The following MMAB variants were observed in gnomAD, a reference collection of about 807,000 sequenced individuals.
The protein encoded by MMAB is corrinoid adenosyltransferase MMAB.
MMAB carries 17 observed loss-of-function variants against 30.6 expected under a neutral mutation model. That is an observed-to-expected ratio of 0.56 (90% CI 0.38 to 0.83). MMAB has a LOEUF of 0.83. Ranked by LOEUF, MMAB falls within the 40% of genes least tolerant of loss-of-function variation. The pLI is 0.00. For missense variants in MMAB, 311 were observed against 331.6 expected, an observed-to-expected ratio of 0.94 and a Z score of 0.48; for synonymous variants, 134 against 138.6, an observed-to-expected ratio of 0.97 and a Z score of 0.23.
At chr12:109,567,491 C>T (rs1283217767) in intron 3 of MMAB, among the ~76,000 whole-genome samples, 1 of 152,188 alleles carries the variant, frequency 6.6e-6, no homozygotes, top group Non-Finnish European at 1.5e-5. Context: ...CTCCCCCTGT[C>T]ACCAGCCTGT....
Position 109,561,810 on chromosome 12 carries a change from G to T in MMAB, c.391C>A (p.Pro131Thr), listed in dbSNP as rs1369813638. 3.7e-6 allele frequency: 6 copies of T among 1,610,120 alleles called. No homozygotes were observed. The highest frequency in any genetic ancestry group is 5.1e-6 in the Non-Finnish European group (6 of 1,178,178). Residue 131 changes from proline to threonine, a missense_variant, in exon 5 of 9, where the codon CCA becomes ACA. Pro to Thr is a conservative substitution (Grantham distance 38, BLOSUM62 -1). Coordinates refer to ENST00000545712, the MANE Select transcript of MMAB (RefSeq NM_052845.4). This position sits in a 1 kb window ranked among gnomAD's most constrained non-coding sequence, Gnocchi z 5.3. The stretch of plus-strand genomic sequence containing the variant: ...TGAGCCTCCCGGGCCGAGGAGCATG[G>T]TGTCGCCAGGGCCGAGCCGACGTCC... ...LQDVGSALATPCSSAREAHLK... is the reference protein window; with the variant it reads ...LQDVGSALATTCSSAREAHLK...
Position 109,554,135 on chromosome 12 carries a change from C to T in MMAB, c.*2893G>A, listed in dbSNP as rs1156824734. ...AGCACGGGGCTGTGAGTGACGAGGC[C>T]GCGTCCGGGGCTCACATCTTGGCAC... On this transcript the variant is annotated 3_prime_UTR_variant, in exon 9 of 9. Coordinates refer to ENST00000545712, the MANE Select transcript of MMAB (RefSeq NM_052845.4). The T allele has an allele frequency of 8.8e-6, 4 of 453,688 alleles. No individual in the cohort carries two copies. The highest frequency in any genetic ancestry group is 6.9e-5 in the East Asian group (1 of 14,400). 28.1% of individuals were successfully genotyped at this position (453,688 alleles called of 1,614,324 possible).
chr12:109,554,966 T>C lies in MMAB; in HGVS notation c.*2062A>G. 1 of 451,026 alleles carries C rather than the reference T, an allele frequency of 2.2e-6. No individual in the cohort carries two copies. The highest frequency in any genetic ancestry group is 7.0e-5 in the East Asian group (1 of 14,378). 27.9% of individuals were successfully genotyped at this position (451,026 alleles called of 1,614,324 possible). ...CGGGAGACAGATACAGAGGCGGGGGTCTGAGAACGCGACTGTTAACATCCA... is the reference window on the plus strand; with the variant it reads ...CGGGAGACAGATACAGAGGCGGGGGCCTGAGAACGCGACTGTTAACATCCA... On this transcript the variant is annotated 3_prime_UTR_variant, in exon 9 of 9. Transcript: ENST00000545712.
chr12:109,555,018 C>A lies in MMAB; in HGVS notation c.*2010G>T, dbSNP rs1335623300. On this transcript the variant is annotated 3_prime_UTR_variant, in exon 9 of 9. Coordinates refer to ENST00000545712, the MANE Select transcript of MMAB (RefSeq NM_052845.4). ...GCTGTGACACCCGGTCCTGGAAGGA[C>A]AGGACTTGGCAACAGGTGAACGGCC... The A allele has an allele frequency of 4.4e-6, 2 of 453,994 alleles. No individual in the cohort carries two copies. The highest frequency in any genetic ancestry group is 8.8e-6 in the Non-Finnish European group (2 of 226,808). 28.1% of individuals were successfully genotyped at this position (453,994 alleles called of 1,614,324 possible).
chr12:109,566,209 T>C (rs180701096), intron 3 of MMAB, among the ~76,000 whole-genome samples: 37 of 152,312 alleles, frequency 2.4e-4, no homozygotes, highest in African/African-American at 7.7e-4. Flanking sequence ...TCCTATCACC[T>C]ACTGGTGCCT....
intron 3 of MMAB, among the ~76,000 whole-genome samples, chr12:109,565,731 G>T (rs1023531748): frequency 1.1e-4 from 16 of 152,238 alleles, no homozygotes; most frequent in African/African-American, 3.9e-4. Flanking sequence ...TGCTCTGAAG[G>T]AAAGAGCAAT....
At chr12:109,565,022 C>T (rs1465291920) in intron 4 of MMAB, 97 bp downstream of exon 4, 5 of 933,668 alleles carry the variant, frequency 5.4e-6, no homozygotes, top group South Asian at 3.9e-5. Context: ...GTAACTAGCC[C>T]CAGGTGACAC....
chr12:109,561,713 A>T lies in MMAB; in HGVS notation c.421+67T>A. On this transcript the variant is annotated intron_variant, in intron 5 of 8. Coordinates refer to ENST00000545712, the MANE Select transcript of MMAB (RefSeq NM_052845.4). The surrounding 1 kb of genome is among the most constrained non-coding windows in gnomAD (Gnocchi z 5.3). ...GGTCCCTGGGGGCCTGGGATCCCAGATGGTGACCCTAGGAGAGTCCCCTGA... is the reference window on the plus strand; with the variant it reads ...GGTCCCTGGGGGCCTGGGATCCCAGTTGGTGACCCTAGGAGAGTCCCCTGA... The T allele has an allele frequency of 6.9e-7, 1 of 1,456,302 alleles. No individual in the cohort carries two copies. Among genetic ancestry groups the T allele is most frequent in the Non-Finnish European group, 9.4e-7 (1 of 1,058,456 alleles). The allele number at this position is 1,456,302 out of a possible 1,614,324, so 90.2% of individuals were successfully genotyped here. A position where few individuals can be genotyped will look rare whatever the true frequency, so the allele number is the denominator to read the frequency against.
chr12:109,558,808 C>T lies in MMAB; in HGVS notation c.644+288G>A, dbSNP rs374778833. On this transcript the variant is annotated intron_variant, in intron 8 of 8. Transcript: ENST00000545712. The surrounding 1 kb of genome is among the most constrained non-coding windows in gnomAD (Gnocchi z 4.3). ...AGCCTCTAAGAACGCCCTTTGCCCCCGCAATGCCACTTTGCACTTAGGTTT... is the reference window on the plus strand; with the variant it reads ...AGCCTCTAAGAACGCCCTTTGCCCCTGCAATGCCACTTTGCACTTAGGTTT... 2.0e-5 allele frequency among the ~76,000 whole-genome samples: 3 copies of T among 151,902 alleles called. No individual in the cohort carries two copies. Among genetic ancestry groups the T allele is most frequent in the South Asian group, 2.1e-4 (1 of 4,826 alleles).
chr12:109,557,166 G>A (rs759053946), intron 8 of MMAB, 30 bp from the exon 9 acceptor site: 2 of 1,460,366 alleles, frequency 1.4e-6, no homozygotes, highest in Non-Finnish European at 1.9e-6. Flanking sequence ...GAAGCAAACA[G>A]AATGGTTTGA....
In MMAB at chr12:109,554,148, C is replaced by T. The variant is rs1368387694; in HGVS notation, c.*2880G>A. 1.1e-5 allele frequency: 5 copies of T among 453,488 alleles called. No homozygotes were observed. The highest frequency in any genetic ancestry group is 9.4e-5 in the Admixed American group (4 of 42,548). 28.1% of individuals were successfully genotyped at this position (453,488 alleles called of 1,614,324 possible). ...GAGTGACGAGGCCGCGTCCGGGGCT[C>T]ACATCTTGGCACTGACTCCCCAGGA... On this transcript the variant is annotated 3_prime_UTR_variant, in exon 9 of 9. Transcript: ENST00000545712.
chr12:109,568,933 A>T (rs989439903), intron 2 of MMAB, 70 bp from the exon 3 acceptor site: 121 of 1,032,026 alleles, frequency 1.2e-4, no homozygotes, highest in African/African-American at 5.8e-4. Context: ...TTTTTTTTTT[A>T]AACTTTCAAA....
At chr12:109,566,125 G>A (rs1020493727) in intron 3 of MMAB, among the ~76,000 whole-genome samples, 9 of 152,188 alleles carry the variant, frequency 5.9e-5, no homozygotes, top group African/African-American at 2.2e-4. Context: ...TAGGTAGGGA[G>A]CCCAGCTGCC....
At position 109,556,210 on chromosome 12, in the gene MMAB, G is replaced by A. The variant is rs1467253619; in HGVS notation, c.*818C>T. ...TAAGCCAGCCAAGTGCAACATCGGA[G>A]AAATCAGTCTGGTGGATGTCAGCCT... is the stretch of plus-strand genomic sequence containing the variant. On this transcript the variant is annotated 3_prime_UTR_variant, in exon 9 of 9. Coordinates refer to ENST00000545712, the MANE Select transcript of MMAB (RefSeq NM_052845.4). 2 of 454,144 alleles carry A rather than the reference G, an allele frequency of 4.4e-6. No individual in the cohort carries two copies. Among genetic ancestry groups the A allele is most frequent in the Admixed American group, 4.7e-5 (2 of 42,570 alleles). The allele number at this position is 454,144 out of a possible 1,614,324, so 28.1% of individuals were successfully genotyped here.
chr12:109,558,367 C>A lies in MMAB; in HGVS notation c.644+729G>T, dbSNP rs1307122131. On this transcript the variant is annotated intron_variant, in intron 8 of 8. Coordinates refer to ENST00000545712, the MANE Select transcript of MMAB (RefSeq NM_052845.4). The surrounding 1 kb of genome is among the most constrained non-coding windows in gnomAD (Gnocchi z 4.3). ...AGGAAAGGAGCTGCTCAGGACCCGT[C>A]AAAGCGCCATGTCTCTGGGAGGAGT... 6.6e-6 allele frequency among the ~76,000 whole-genome samples: 1 copy of A among 152,192 alleles called. No individual in the cohort carries two copies. The highest frequency in any genetic ancestry group is 1.5e-5 in the Non-Finnish European group (1 of 68,034).
chr12:109,567,737 T>A (rs1422447105), intron 3 of MMAB: 1 of 152,210 alleles, frequency 6.6e-6, no homozygotes, highest in Non-Finnish European at 1.5e-5. Context: ...ACTCAAGTGA[T>A]CCTCCTGCCT....
intron 7 of MMAB, among the ~76,000 whole-genome samples, chr12:109,559,921 C>T (rs751962560): frequency 1.3e-4 from 20 of 152,188 alleles, no homozygotes; most frequent in Non-Finnish European, 2.5e-4. Flanking sequence ...CTTCCTCACC[C>T]GAGGTGCCCC....
chr12:109,557,584 G>A (rs986996757), intron 8 of MMAB, among the ~76,000 whole-genome samples: 1 of 152,228 alleles, frequency 6.6e-6, no homozygotes, highest in Non-Finnish European at 1.5e-5. Context: ...GGGCTCTGCA[G>A]GTCTAGTTCC....
chr12:109,559,055 C>T (rs536108500), intron 8 of MMAB, 41 bp downstream of exon 8: 9 of 1,548,672 alleles, frequency 5.8e-6, no homozygotes, highest in Admixed American at 1.7e-5. Context: ...ACAGATGAGC[C>T]TCGGCTTTCA....
Sources: allele counts gnomAD v4.1 joint callset (sites outside exome capture counted in the v4.1 genomes callset), GRCh38; gene constraint gnomAD v4.1.1; non-coding constraint Gnocchi (gnomAD v3.1); transcripts MANE v1.5; gene names NCBI Gene and HGNC (gene_info 2026-07-23, HGNC 2026-07-21).